CWC27: variants seen among roughly 807,000 people sequenced by gnomAD.
The protein encoded by CWC27 is spliceosome-associated protein CWC27 homolog.
A neutral mutation model predicts 63.6 loss-of-function variants in CWC27; 47 were observed. That is an observed-to-expected ratio of 0.74 (90% CI 0.58 to 0.94). CWC27 has a LOEUF of 0.94. Ranked by LOEUF, CWC27 falls within the 40% of genes least tolerant of loss-of-function variation. The pLI, the probability that CWC27 is intolerant of heterozygous loss-of-function variation, is 0.00. For synonymous variants in CWC27, 175 were observed against 179.8 expected, an observed-to-expected ratio of 0.97 and a Z score of 0.22; for missense variants, 495 against 554.3, an observed-to-expected ratio of 0.89 and a Z score of 1.07.
At chr5:64,886,300 A>G (rs915839639) in intron 11 of CWC27, among the ~76,000 whole-genome samples, 3 of 152,122 alleles carry the variant, frequency 2.0e-5, no homozygotes, top group Non-Finnish European at 4.4e-5. Flanking sequence ...TGGAACCCAC[A>G]TCTGTTTTCT....
chr5:64,983,516 T>C (rs1749365156), intron 13 of CWC27, among the ~76,000 whole-genome samples: 1 of 152,176 alleles, frequency 6.6e-6, no homozygotes, highest in Non-Finnish European at 1.5e-5. Context: ...TCTCTGGTCA[T>C]TGAGTGTGTA....
chr5:64,892,917 CTG>C lies in CWC27; in HGVS notation c.1042+7373_1042+7374del, dbSNP rs534234231. Among the ~76,000 whole-genome samples the C allele has an allele frequency of 2.1e-3, 323 of 152,048 alleles. 1 individual carries two copies. Among genetic ancestry groups the C allele is most frequent in the African/African-American group, 7.6e-3 (316 of 41,490 alleles). ...ATAAATCCTGAGCTCATGTTGTAGTCTGTTACCTCTTTCTCAGCTGGCCACTA... is the reference window on the plus strand; with the variant it reads ...ATAAATCCTGAGCTCATGTTGTAGTCTTACCTCTTTCTCAGCTGGCCACTA... On this transcript the variant is annotated intron_variant, in intron 11 of 13. Transcript: ENST00000381070.
chr5:64,780,782 CCCA>C (rs1175506033), intron 2 of CWC27, among the ~76,000 whole-genome samples: 1 of 151,666 alleles, frequency 6.6e-6, no homozygotes, highest in Non-Finnish European at 1.5e-5. Context: ...ATTTTATATT[CCCA>C]CCAGCAATGT....
At chr5:64,781,291 T>C (rs1743679209) in intron 2 of CWC27, among the ~76,000 whole-genome samples, 1 of 152,206 alleles carries the variant, frequency 6.6e-6, no homozygotes, top group African/African-American at 2.4e-5. Flanking sequence ...TGTTATTTGT[T>C]TTATTTATTC....
intron 2 of CWC27, among the ~76,000 whole-genome samples, chr5:64,780,922 A>AT (rs1237594396): frequency 6.6e-6 from 1 of 152,050 alleles, no homozygotes; most frequent in African/African-American, 2.4e-5. Flanking sequence ...CTAATGACTA[A>AT]TAATATTGAG....
At chr5:64,876,444 G>A (rs759215427) in intron 10 of CWC27, among the ~76,000 whole-genome samples, 6 of 152,032 alleles carry the variant, frequency 3.9e-5, no homozygotes, top group Non-Finnish European at 7.4e-5. Context: ...GAAATAGCAG[G>A]CTTAAACTAA....
intron 4 of CWC27, among the ~76,000 whole-genome samples, chr5:64,784,846 C>T (rs751222371): frequency 6.6e-6 from 1 of 152,152 alleles, no homozygotes; most frequent in Non-Finnish European, 1.5e-5. Flanking sequence ...TCCAGCACAG[C>T]CTGTCTGATG....
intron 13 of CWC27, among the ~76,000 whole-genome samples, chr5:64,988,985 TC>T (rs1749487222): frequency 6.6e-6 from 1 of 152,172 alleles, no homozygotes; most frequent in African/African-American, 2.4e-5. Context: ...CTTTATGGAT[TC>T]CCTTTTCCCT....
At chr5:64,856,557 T>A (rs1746265522) in intron 10 of CWC27, among the ~76,000 whole-genome samples, 1 of 152,098 alleles carries the variant, frequency 6.6e-6, no homozygotes. Context: ...TTTTTGTTTT[T>A]ATTTTTTAGT....
intron 10 of CWC27, among the ~76,000 whole-genome samples, chr5:64,883,163 C>T (rs1746986680): frequency 6.6e-6 from 1 of 152,128 alleles, no homozygotes. Flanking sequence ...CTCATGAGAA[C>T]TCACTCACTA....
At chr5:64,815,692 A>C (rs550420361) in intron 10 of CWC27, among the ~76,000 whole-genome samples, 114 of 152,280 alleles carry the variant, frequency 7.5e-4, no homozygotes, top group Non-Finnish European at 1.5e-3. Flanking sequence ...CTGAATTTTT[A>C]AAAAAACTAT....
chr5:64,919,789 TC>T (rs933493913), intron 11 of CWC27, among the ~76,000 whole-genome samples: 21 of 152,336 alleles, frequency 1.4e-4, no homozygotes, highest in East Asian at 9.6e-4. Flanking sequence ...CATGTCCTTG[TC>T]TGTTCTTGCT....
At chr5:64,885,690 T>A in intron 11 of CWC27, 144 bp downstream of exon 11, 2 of 573,324 alleles carry the variant, frequency 3.5e-6, no homozygotes, top group East Asian at 3.2e-5. Flanking sequence ...CCCTCCCTCT[T>A]GAGTTAGGGT....
At chr5:64,954,123 G>A (rs1036973272) in intron 11 of CWC27, among the ~76,000 whole-genome samples, 3 of 152,088 alleles carry the variant, frequency 2.0e-5, no homozygotes, top group Admixed American at 6.6e-5. Flanking sequence ...CTCTGCCTTC[G>A]AGGAATTCAC....
At chr5:64,888,501 A>G (rs1267243127) in intron 11 of CWC27, among the ~76,000 whole-genome samples, 1 of 141,532 alleles carries the variant, frequency 7.1e-6, no homozygotes, top group Non-Finnish European at 1.5e-5. Context: ...ATAAATATAC[A>G]AATAGCATAT....
intron 13 of CWC27, among the ~76,000 whole-genome samples, chr5:65,009,145 C>A (rs1749901291): frequency 6.6e-6 from 1 of 152,154 alleles, no homozygotes; most frequent in Non-Finnish European, 1.5e-5. Context: ...CAGATCACAT[C>A]ATGACAGGGG....
chr5:64,925,774 C>G (rs1748098303), intron 11 of CWC27, among the ~76,000 whole-genome samples: 2 of 152,154 alleles, frequency 1.3e-5, no homozygotes, highest in South Asian at 4.2e-4. Flanking sequence ...CAAGTCTTTT[C>G]CTCCATTACT....
At position 64,881,408 on chromosome 5, in the gene CWC27, AATG is replaced by A. The variant is rs770011768; in HGVS notation, c.939-4030_939-4028del. ...CATTGTGCATTCATTGCCCTCTTAA[AATG>A]ATGAACAGAGTTGTTTGCTGTATAT... On this transcript the variant is annotated intron_variant, in intron 10 of 13. Transcript: ENST00000381070. Among the ~76,000 whole-genome samples the A allele has an allele frequency of 3.7e-4, 57 of 152,238 alleles. No homozygotes were observed. The Middle Eastern group carries it at 0.014, about 36-fold the overall frequency.
intron 10 of CWC27, among the ~76,000 whole-genome samples, chr5:64,809,471 G>A (rs967249043): frequency 6.6e-6 from 1 of 152,118 alleles, no homozygotes; most frequent in Non-Finnish European, 1.5e-5. Context: ...GGGTTCAAGC[G>A]TTTCTCCTGC....
Sources: gnomAD v4.1 joint callset for allele counts (sites outside exome capture counted in the v4.1 genomes callset) on GRCh38, gnomAD v4.1.1 for gene constraint, MANE v1.5 for transcripts, NCBI Gene and HGNC (gene_info 2026-07-23, HGNC 2026-07-21) for gene names.